PHACTR3: variants seen among roughly 807,000 people sequenced by gnomAD.
The protein encoded by PHACTR3 is phosphatase and actin regulator 3.
A neutral mutation model predicts 66.8 loss-of-function variants in PHACTR3; 16 were observed. The ratio of observed to expected loss-of-function variants is 0.24; its 90% CI spans 0.16 to 0.36. PHACTR3 has a LOEUF of 0.36. Among genes scored for constraint, PHACTR3 ranks in the 10% least tolerant of loss-of-function variants. The pLI is 1.00. For synonymous variants in PHACTR3, 323 were observed against 292.1 expected, an observed-to-expected ratio of 1.11 and a Z score of -1.08; for missense variants, 647 against 719.9, an observed-to-expected ratio of 0.90 and a Z score of 1.16.
Position 59,773,392 on chromosome 20 carries a change from C to G in PHACTR3, c.865C>G (p.Pro289Ala), listed in dbSNP as rs373371486. 103 of 1,614,066 alleles carry G rather than the reference C, an allele frequency of 6.4e-5. No homozygotes were observed. Among genetic ancestry groups the G allele is most frequent in the Non-Finnish European group, 8.1e-5 (96 of 1,180,058 alleles). Residue 289 changes from proline to alanine, a missense_variant, in exon 6 of 13, where the codon CCC becomes GCC. Transcript: ENST00000371015. ...TCTCACCACGGTCCACCGGCCTCTTCCCCCAAGCCGCGTCATTGAGGAGCT... is the reference window on the plus strand; with the variant it reads ...TCTCACCACGGTCCACCGGCCTCTTGCCCCAAGCCGCGTCATTGAGGAGCT... ...PHLTTVHRPL[P>A]PSRVIEELHR...
At chr20:59,800,895 T>G (rs1295099564) in intron 7 of PHACTR3, among the ~76,000 whole-genome samples, 1 of 151,534 alleles carries the variant, frequency 6.6e-6, no homozygotes, top group African/African-American at 2.4e-5. Flanking sequence ...GCTCAACAGC[T>G]AACTCCCATT....
chr20:59,836,701 C>T, intron 9 of PHACTR3, 141 bp downstream of exon 9: 1 of 770,760 alleles, frequency 1.3e-6, no homozygotes, highest in Middle Eastern at 2.4e-4. Context: ...CTGCTGAATT[C>T]TGAAAGCAAG....
At chr20:59,612,671 A>G (rs2033891818) in intron 1 of PHACTR3, among the ~76,000 whole-genome samples, 1 of 152,240 alleles carries the variant, frequency 6.6e-6, no homozygotes, top group Non-Finnish European at 1.5e-5. Flanking sequence ...GGCGTAAGCC[A>G]CCGCGCCTGG....
At chr20:59,638,527 T>C (rs117522988) in intron 1 of PHACTR3, among the ~76,000 whole-genome samples, 4,021 of 131,422 alleles carry the variant, frequency 0.031, 75 homozygotes, top group Middle Eastern at 0.097. Flanking sequence ...GATGGATTGA[T>C]GGATGATTGC....
intron 1 of PHACTR3, among the ~76,000 whole-genome samples, chr20:59,716,749 T>C (rs906106412): frequency 6.6e-6 from 1 of 152,262 alleles, no homozygotes; most frequent in African/African-American, 2.4e-5. Context: ...TGTCACCAAA[T>C]TGCGGGCTTC....
intron 1 of PHACTR3, among the ~76,000 whole-genome samples, chr20:59,611,324 T>C (rs1257833980): frequency 6.6e-6 from 1 of 152,268 alleles, no homozygotes; most frequent in Non-Finnish European, 1.5e-5. Context: ...TTCCATCTTC[T>C]GTTAACAAAG....
intron 1 of PHACTR3, among the ~76,000 whole-genome samples, chr20:59,687,929 G>T (rs1212979680): frequency 6.6e-6 from 1 of 152,182 alleles, no homozygotes; most frequent in Non-Finnish European, 1.5e-5. Flanking sequence ...TTGTGTGGTT[G>T]TATATGGAGG....
intron 7 of PHACTR3, among the ~76,000 whole-genome samples, chr20:59,785,410 A>G (rs1227460279): frequency 6.6e-6 from 1 of 152,148 alleles, no homozygotes; most frequent in Non-Finnish European, 1.5e-5. Flanking sequence ...TTGTGGGTCA[A>G]AGCTTCAACT....
Position 59,847,176 on chromosome 20 carries a change from C to CACTGA in PHACTR3, c.*49_*53dup. ...TTTGTGTTTAATTTTTTGATACCAA[C>CACTGA]ACTGAACATTCATCAGGGAACTTTC... On this transcript the variant is annotated 3_prime_UTR_variant, in exon 13 of 13. Coordinates refer to ENST00000371015, the MANE Select transcript of PHACTR3 (RefSeq NM_080672.5). The CACTGA allele has an allele frequency of 7.1e-7, 1 of 1,407,440 alleles. No homozygotes were observed. The highest frequency in any genetic ancestry group is 1.4e-5 in the African/African-American group (1 of 70,864). The allele number at this position is 1,407,440 out of a possible 1,614,324, so 87.2% of individuals were successfully genotyped here. A position where few individuals can be genotyped will look rare whatever the true frequency, so the allele number is the denominator to read the frequency against.
intron 12 of PHACTR3, among the ~76,000 whole-genome samples, chr20:59,846,663 T>C (rs913688257): frequency 1.2e-4 from 18 of 152,210 alleles, no homozygotes; most frequent in African/African-American, 3.9e-4. Context: ...TAAAATGTGG[T>C]ATAAAGACCC....
intron 1 of PHACTR3, among the ~76,000 whole-genome samples, chr20:59,701,557 A>T (rs925814242): frequency 1.3e-5 from 2 of 152,106 alleles, no homozygotes; most frequent in Non-Finnish European, 2.9e-5. Flanking sequence ...TACACCAGCA[A>T]CTCTTTTTAA....
At chr20:59,805,066 C>T (rs2041525582) in intron 7 of PHACTR3, among the ~76,000 whole-genome samples, 1 of 152,234 alleles carries the variant, frequency 6.6e-6, no homozygotes, top group Non-Finnish European at 1.5e-5. Flanking sequence ...GCAGCATCTG[C>T]AGTGGCAGGG....
intron 7 of PHACTR3, among the ~76,000 whole-genome samples, chr20:59,783,673 G>C (rs762848509): frequency 6.6e-6 from 1 of 152,202 alleles, no homozygotes; most frequent in Non-Finnish European, 1.5e-5. Flanking sequence ...GTAGCCTACT[G>C]TTCGTCCAAT....
intron 4 of PHACTR3, among the ~76,000 whole-genome samples, chr20:59,758,654 A>G (rs1352151533): frequency 6.6e-6 from 1 of 152,178 alleles, no homozygotes; most frequent in Non-Finnish European, 1.5e-5. Flanking sequence ...TAGCCCTGGA[A>G]GCAGCCCCCG....
chr20:59,746,067 C>CA (rs1403061763), intron 2 of PHACTR3, among the ~76,000 whole-genome samples: 3 of 152,342 alleles, frequency 2.0e-5, no homozygotes, highest in African/African-American at 7.2e-5. Context: ...CCAAGGTCAG[C>CA]ATTCACTTTG....
intron 1 of PHACTR3, among the ~76,000 whole-genome samples, chr20:59,679,794 A>C (rs2036578446): frequency 1.3e-5 from 2 of 152,140 alleles, no homozygotes; most frequent in Non-Finnish European, 2.9e-5. Flanking sequence ...AAACCGTCAG[A>C]TCTCATGAGA....
intron 1 of PHACTR3, among the ~76,000 whole-genome samples, chr20:59,674,691 TCCTG>T (rs2036357120): frequency 9.1e-6 from 1 of 109,510 alleles, no homozygotes; most frequent in Non-Finnish European, 1.9e-5. Context: ...CTTCTCCTGT[TCCTG>T]CCTTCTCCTG....
intron 1 of PHACTR3, among the ~76,000 whole-genome samples, chr20:59,741,373 C>T (rs573802920): frequency 1.6e-4 from 25 of 152,314 alleles, no homozygotes; most frequent in African/African-American, 5.5e-4. Flanking sequence ...TGGGGAGCAC[C>T]CCACGGGTCT....
chr20:59,694,245 G>C (rs1032397582), intron 1 of PHACTR3, among the ~76,000 whole-genome samples: 2 of 152,152 alleles, frequency 1.3e-5, no homozygotes, highest in African/African-American at 4.8e-5. Context: ...TCCTTCAGGT[G>C]AGAGGCTCCT....
Sources: gnomAD v4.1 joint callset for allele counts (sites outside exome capture counted in the v4.1 genomes callset) on GRCh38, gnomAD v4.1.1 for gene constraint, MANE v1.5 for transcripts, NCBI Gene and HGNC (gene_info 2026-07-23, HGNC 2026-07-21) for gene names.